HHAT: variants seen among roughly 807,000 people sequenced by gnomAD.
HHAT encodes protein-cysteine N-palmitoyltransferase HHAT.
HHAT carries 47 observed loss-of-function variants against 70.8 expected under a neutral mutation model. That is an observed-to-expected ratio of 0.66 (90% CI 0.53 to 0.85). The LOEUF is 0.85. Among genes scored for constraint, HHAT ranks in the 40% least tolerant of loss-of-function variants. The pLI is 0.00. For missense variants in HHAT, 609 were observed against 604.8 expected (o/e 1.01, Z -0.07); for synonymous variants, 228 against 247.6 (o/e 0.92, Z 0.74).
intron 11 of HHAT, among the ~76,000 whole-genome samples, chr1:210,627,810 T>C (rs1416056752): frequency 6.6e-6 from 1 of 152,204 alleles, no homozygotes; most frequent in African/African-American, 2.4e-5. Flanking sequence ...TATCTAGGGC[T>C]CACAAACTTT....
chr1:210,345,968 G>C (rs907656990), intron 1 of HHAT, among the ~76,000 whole-genome samples: 17 of 151,994 alleles, frequency 1.1e-4, no homozygotes, highest in Non-Finnish European at 2.4e-4. Context: ...GGAGGCTGAG[G>C]CAGGAGAATT....
At chr1:210,354,845 T>C (rs1354129134) in intron 2 of HHAT, among the ~76,000 whole-genome samples, 1 of 152,340 alleles carries the variant, frequency 6.6e-6, no homozygotes, top group South Asian at 2.1e-4. Context: ...CTTCCAGATA[T>C]ATATTTGAAA....
chr1:210,411,565 G>A (rs2092555215), intron 6 of HHAT, among the ~76,000 whole-genome samples: 1 of 151,538 alleles, frequency 6.6e-6, no homozygotes, highest in South Asian at 2.1e-4. Context: ...ACCAGCCTGG[G>A]CAACACGGTG....
intron 8 of HHAT, among the ~76,000 whole-genome samples, chr1:210,471,210 A>G (rs1420384839): frequency 6.6e-6 from 1 of 151,930 alleles, no homozygotes; most frequent in East Asian, 1.9e-4. Context: ...GTACTGTACC[A>G]TGACTGCTTG....
chr1:210,514,286 G>A (rs890255008), intron 9 of HHAT, among the ~76,000 whole-genome samples: 4 of 152,154 alleles, frequency 2.6e-5, no homozygotes, highest in Non-Finnish European at 5.9e-5. Context: ...AATAAGGATG[G>A]TCCTGGCTTT....
intron 7 of HHAT, among the ~76,000 whole-genome samples, chr1:210,433,519 A>G (rs2093304605): frequency 6.6e-6 from 1 of 151,574 alleles, no homozygotes; most frequent in Non-Finnish European, 1.5e-5. Flanking sequence ...AAAGGAGAGA[A>G]ATATTCACAT....
intron 10 of HHAT, among the ~76,000 whole-genome samples, chr1:210,619,023 AT>A (rs1283976088): frequency 2.0e-5 from 3 of 152,138 alleles, no homozygotes; most frequent in African/African-American, 7.2e-5. Flanking sequence ...ACATTCCTCC[AT>A]CTCATCTTAG....
chr1:210,589,244 G>A (rs1277109095), intron 10 of HHAT: 3 of 152,168 alleles, frequency 2.0e-5, no homozygotes, highest in Non-Finnish European at 4.4e-5. Context: ...TATAAAGATA[G>A]CCATAGTACA....
chr1:210,373,102 ACTC>A (rs533124946), intron 3 of HHAT, among the ~76,000 whole-genome samples: 24 of 152,106 alleles, frequency 1.6e-4, no homozygotes, highest in African/African-American at 5.5e-4. Context: ...CTCTTTGTGG[ACTC>A]CTCATTTGGA....
At chr1:210,533,507 T>C (rs1250041910) in intron 9 of HHAT, among the ~76,000 whole-genome samples, 1 of 152,214 alleles carries the variant, frequency 6.6e-6, no homozygotes, top group Admixed American at 6.5e-5. Context: ...CTGGAGATGG[T>C]CTTTTCATGA....
intron 9 of HHAT, among the ~76,000 whole-genome samples, chr1:210,575,581 A>G (rs2148749510): frequency 6.6e-6 from 1 of 152,292 alleles, no homozygotes; most frequent in Admixed American, 6.5e-5. Context: ...GGGAAACAGT[A>G]TATACCCCTT....
chr1:210,587,352 A>G (rs1391454906), intron 9 of HHAT, among the ~76,000 whole-genome samples: 1 of 152,116 alleles, frequency 6.6e-6, no homozygotes, highest in Non-Finnish European at 1.5e-5. Flanking sequence ...CCCTTTATAC[A>G]ACCATCAGAT....
intron 9 of HHAT, among the ~76,000 whole-genome samples, chr1:210,573,638 G>A (rs929423233): frequency 2.0e-5 from 3 of 152,062 alleles, no homozygotes; most frequent in East Asian, 1.9e-4. Context: ...CTTTTCTTTC[G>A]GTAGTTCCAG....
intron 11 of HHAT, among the ~76,000 whole-genome samples, chr1:210,632,164 C>T (rs966818075): frequency 3.3e-5 from 5 of 152,112 alleles, no homozygotes; most frequent in Admixed American, 6.5e-5. Flanking sequence ...GAGTGTGTTA[C>T]GGTTGAATTG....
chr1:210,366,392 A>G (rs2148043537), intron 3 of HHAT, among the ~76,000 whole-genome samples: 1 of 152,272 alleles, frequency 6.6e-6, no homozygotes, highest in African/African-American at 2.4e-5. Flanking sequence ...AGCACTTGGG[A>G]AGGCTAAGAC....
intron 7 of HHAT, among the ~76,000 whole-genome samples, chr1:210,421,501 A>G (rs1043837300): frequency 6.6e-6 from 1 of 152,190 alleles, no homozygotes; most frequent in Non-Finnish European, 1.5e-5. Context: ...GCTGAAGTAC[A>G]GTGGGGCGAT....
intron 10 of HHAT, among the ~76,000 whole-genome samples, chr1:210,596,105 C>T (rs549052451): frequency 6.6e-6 from 1 of 152,286 alleles, no homozygotes; most frequent in African/African-American, 2.4e-5. Context: ...GGTTTTAGAT[C>T]TAACATTTAA....
chr1:210,661,690 G>T (rs1463830145), intron 11 of HHAT, among the ~76,000 whole-genome samples: 1 of 152,170 alleles, frequency 6.6e-6, no homozygotes, highest in Non-Finnish European at 1.5e-5. Context: ...AGAAAAGGTG[G>T]CATATGTATA....
chr1:210,552,780 G>T (rs1333598643), intron 9 of HHAT, among the ~76,000 whole-genome samples: 1 of 152,158 alleles, frequency 6.6e-6, no homozygotes, highest in Non-Finnish European at 1.5e-5. Context: ...GAGCAAATGG[G>T]GCTACCCTTG....
Sources: gnomAD v4.1 joint callset for allele counts (sites outside exome capture counted in the v4.1 genomes callset) on GRCh38, gnomAD v4.1.1 for gene constraint, MANE v1.5 for transcripts, NCBI Gene and HGNC (gene_info 2026-07-23, HGNC 2026-07-21) for gene names.